HDAC9: variants seen among roughly 807,000 people sequenced by gnomAD.
The protein encoded by HDAC9 is histone deacetylase 9, also known as MEF-2 interacting transcription repressor (MITR) protein.
In HDAC9, 41 loss-of-function variants were observed where a neutral mutation model predicts 139.4. That is an observed-to-expected ratio of 0.29 (90% CI 0.23 to 0.38). HDAC9 has a LOEUF of 0.38. Ranked by LOEUF, HDAC9 falls within the 10% of genes least tolerant of loss-of-function variation. The probability of loss-of-function intolerance (pLI) is 1.00; values close to 1 mark genes in which losing one functional copy is unlikely to be tolerated. For synonymous variants in HDAC9, 517 were observed against 476.2 expected, an observed-to-expected ratio of 1.09 and a Z score of -1.12; for missense variants, 1,147 against 1,297.0, an observed-to-expected ratio of 0.88 and a Z score of 1.78.
Position 18,585,408 on chromosome 7 carries a change from A to C in HDAC9, c.150A>C (p.Leu50Phe). ...VVREKQLQQELLLIQQQQQIQ... is the reference protein window; with the variant it reads ...VVREKQLQQEFLLIQQQQQIQ... ...GTGAGAAGCAATTGCAGCAGGAATT[A>C]CTTCTTATCCAGCAGCAGCAACAAA... Residue 50 changes from leucine to phenylalanine, a missense_variant, in exon 3 of 26, where the codon TTA becomes TTC. Physicochemically the swap from Leu to Phe is conservative, Grantham distance 22 (BLOSUM62 0). Around this residue, in one of 7 missense-constraint regions of HDAC9, gnomAD observed 136 missense variants for 183.5 expected, o/e 0.74. Transcript: ENST00000686413. The C allele has an allele frequency of 6.2e-7, 1 of 1,614,000 alleles. No homozygotes were observed. The highest frequency in any genetic ancestry group is 8.5e-7 in the Non-Finnish European group (1 of 1,179,890).
intron 2 of HDAC9, among the ~76,000 whole-genome samples, chr7:18,167,122 G>A (rs978327352): frequency 2.6e-5 from 4 of 151,786 alleles, no homozygotes; most frequent in African/African-American, 4.8e-5. Context: ...GTTTGTTGTA[G>A]CAGAAGTTGA....
chr7:18,786,585 GCTTCCTTC>G (rs34314311), intron 16 of HDAC9, among the ~76,000 whole-genome samples: 6 of 53,296 alleles, frequency 1.1e-4, no homozygotes, highest in Non-Finnish European at 2.2e-4. Flanking sequence ...TGGCTGGCTG[GCTTCCTTC>G]CTTCCTTCCT....
intron 21 of HDAC9, among the ~76,000 whole-genome samples, chr7:18,855,142 A>G (rs533693239): frequency 4.5e-4 from 68 of 152,296 alleles, no homozygotes; most frequent in African/African-American, 1.6e-3. Flanking sequence ...CAGAGCAGTA[A>G]TAGGACATGT....
rs891649728 is a variant in HDAC9 at position 18,667,939 on chromosome 7, C to T, written c.1731+1463C>T. 4.1e-6 allele frequency: 4 copies of T among 980,148 alleles called. No individual in the cohort carries two copies. The African/African-American group carries it at 7.0e-5, about 17-fold the overall frequency. The allele number at this position is 980,148 out of a possible 1,614,324, so 60.7% of individuals were successfully genotyped here. On this transcript the variant is annotated intron_variant, in intron 12 of 25. Coordinates refer to ENST00000686413, the MANE Select transcript of HDAC9 (RefSeq NM_178425.4). Reference sequence around the variant, plus strand: ...TTTAATATGGATAATCCAAATTGACCTAGAATCTTTGTGAGGTTTTTTCTA... The same window carrying T: ...TTTAATATGGATAATCCAAATTGACTTAGAATCTTTGTGAGGTTTTTTCTA...
chr7:18,160,709 C>T (rs186508520), intron 1 of HDAC9, among the ~76,000 whole-genome samples: 3 of 152,058 alleles, frequency 2.0e-5, no homozygotes, highest in East Asian at 1.9e-4. Context: ...CTCTGCCTCC[C>T]GGGTTCAAGT....
At chr7:18,316,367 C>T (rs1163236034) in intron 1 of HDAC9, among the ~76,000 whole-genome samples, 1 of 152,006 alleles carries the variant, frequency 6.6e-6, no homozygotes. Context: ...GAAATATGTA[C>T]ATATAATGTA....
chr7:18,494,171 AAT>A (rs1388123667), upstream of HDAC9, among the ~76,000 whole-genome samples: 1 of 152,078 alleles, frequency 6.6e-6, no homozygotes, highest in Non-Finnish European at 1.5e-5. Flanking sequence ...CGCAGTTTGG[AAT>A]ATATATTTTT....
chr7:18,454,947 A>C (rs1237599089), intron 1 of HDAC9, among the ~76,000 whole-genome samples: 4 of 152,108 alleles, frequency 2.6e-5, no homozygotes, highest in African/African-American at 9.7e-5. Context: ...ATGGAGGAGG[A>C]TGGCGTCAGA....
chr7:18,962,207 A>G (rs926450148), intron 24 of HDAC9, among the ~76,000 whole-genome samples: 16 of 152,076 alleles, frequency 1.1e-4, no homozygotes, highest in Non-Finnish European at 1.8e-4. Context: ...GGGAGCTGCT[A>G]TTTGTCATAT....
At chr7:18,243,695 T>A (rs1209722505) in intron 2 of HDAC9, among the ~76,000 whole-genome samples, 1 of 152,232 alleles carries the variant, frequency 6.6e-6, no homozygotes, top group Non-Finnish European at 1.5e-5. Context: ...TTGTTTTGTT[T>A]ACTTGAATGA....
At chr7:18,776,721 G>T (rs1488891370) in intron 16 of HDAC9, among the ~76,000 whole-genome samples, 1 of 151,874 alleles carries the variant, frequency 6.6e-6, no homozygotes, top group South Asian at 2.1e-4. Flanking sequence ...ATAGACAGGT[G>T]AGGGGTGACC....
At chr7:18,935,293 A>G (rs1781550334) in intron 22 of HDAC9, among the ~76,000 whole-genome samples, 1 of 152,162 alleles carries the variant, frequency 6.6e-6, no homozygotes, top group Non-Finnish European at 1.5e-5. Context: ...CAAATGTTTC[A>G]TAATAAAATA....
intron 14 of HDAC9, among the ~76,000 whole-genome samples, chr7:18,760,975 C>G (rs1789334563): frequency 6.6e-6 from 1 of 152,194 alleles, no homozygotes; most frequent in Non-Finnish European, 1.5e-5. Flanking sequence ...TTCCGGGTTA[C>G]CTGGTGGTTC....
chr7:18,948,698 A>G (rs1351878876), intron 23 of HDAC9, among the ~76,000 whole-genome samples: 1 of 152,122 alleles, frequency 6.6e-6, no homozygotes, highest in Non-Finnish European at 1.5e-5. Context: ...CATACTTAAA[A>G]CCAAGCAAAG....
In HDAC9 at chr7:18,237,669, T is replaced by A. The variant is rs191097368; in HGVS notation, c.25+75320T>A. Among the ~76,000 whole-genome samples, 25 of 152,304 alleles carry A rather than the reference T, an allele frequency of 1.6e-4. No homozygotes were observed. The East Asian group carries it at 4.6e-3, about 28-fold the overall frequency. On this transcript the variant is annotated intron_variant, in intron 2 of 12. Transcript: ENST00000417496. Reference sequence around the variant, plus strand: ...ACGGATGAAGTACTGAGCTGGGTAATTGAGAGAATGATGACATTATTAATG... The same window carrying A: ...ACGGATGAAGTACTGAGCTGGGTAAATGAGAGAATGATGACATTATTAATG...
chr7:18,392,292 C>CTG (rs1161744484), intron 1 of HDAC9, among the ~76,000 whole-genome samples: 1 of 110,294 alleles, frequency 9.1e-6, no homozygotes, highest in Non-Finnish European at 1.8e-5. Flanking sequence ...CTCTCTCTGT[C>CTG]TCTCTCTCTC....
chr7:18,683,409 T>G lies in HDAC9; in HGVS notation c.1731+16933T>G, dbSNP rs201474866. ...AAGTTGCAGAACTGTGATCAAAACC[T>G]ACATCCAGTTCCATGTTCTTTCCAT... On this transcript the variant is annotated intron_variant, in intron 12 of 25. Coordinates refer to ENST00000686413, the MANE Select transcript of HDAC9 (RefSeq NM_178425.4). Among the ~76,000 whole-genome samples, 18 of 152,142 alleles carry G rather than the reference T, an allele frequency of 1.2e-4. No homozygotes were observed. In the East Asian group the frequency reaches 3.1e-3, roughly 26 times the overall value.
intron 17 of HDAC9, among the ~76,000 whole-genome samples, chr7:18,827,727 C>G (rs1325262270): frequency 1.3e-5 from 2 of 152,076 alleles, no homozygotes; most frequent in African/African-American, 4.8e-5. Context: ...CATAAAAGTT[C>G]TTTACATGCT....
intron 22 of HDAC9, among the ~76,000 whole-genome samples, chr7:18,928,249 G>C (rs1344775067): frequency 1.3e-5 from 2 of 152,170 alleles, no homozygotes; most frequent in Non-Finnish European, 2.9e-5. Flanking sequence ...AATAGAAACA[G>C]ATTTTGTGGG....
Sources: gnomAD v4.1 joint callset for allele counts (sites outside exome capture counted in the v4.1 genomes callset) on GRCh38, gnomAD v4.1.1 for gene constraint, gnomAD v4.1.1 regional missense constraint, MANE v1.5 for transcripts, NCBI Gene and HGNC (gene_info 2026-07-23, HGNC 2026-07-21) for gene names.